CCDC88C: variants seen among roughly 807,000 people sequenced by gnomAD.
The protein encoded by CCDC88C is coiled-coil and HOOK domain protein 88C, also known as protein Daple.
A neutral mutation model predicts 198.8 loss-of-function variants in CCDC88C; 131 were observed. The ratio of observed to expected loss-of-function variants is 0.66; its 90% confidence interval spans 0.57 to 0.76. CCDC88C has a LOEUF of 0.76. Among genes scored for constraint, CCDC88C ranks in the 30% least tolerant of loss-of-function variants. CCDC88C has a pLI of 0.00. For missense variants in CCDC88C, 2,553 were observed against 2,631.6 expected (o/e 0.97, Z 0.65); for synonymous variants, 1,166 against 1,114.7 (o/e 1.05, Z -0.92).
chr14:91,321,030 C>T (rs1240302151), intron 13 of CCDC88C, 90 bp downstream of exon 13: 11 of 1,288,030 alleles, frequency 8.5e-6, no homozygotes, highest in Non-Finnish European at 1.2e-5. Context: ...CTGGCCCCCT[C>T]CTTGTCTGTG....
chr14:91,389,940 C>T (rs1247197483), intron 3 of CCDC88C, among the ~76,000 whole-genome samples: 1 of 151,760 alleles, frequency 6.6e-6, no homozygotes, highest in Non-Finnish European at 1.5e-5. Flanking sequence ...GGCGTGGTGG[C>T]GGGCGCCTGT....
intron 23 of CCDC88C, 64 bp from the exon 24 acceptor site, chr14:91,291,148 A>T: frequency 1.0e-6 from 1 of 963,336 alleles, no homozygotes; most frequent in Admixed American, 2.0e-5. Flanking sequence ...GAATTTACTC[A>T]TCGGCCCAGC....
chr14:91,300,093 G>A (rs763828836), intron 20 of CCDC88C, 23 bp from the exon 21 acceptor site: 29 of 1,602,406 alleles, frequency 1.8e-5, no homozygotes, highest in Middle Eastern at 1.6e-4. Context: ...AGCACCTGCC[G>A]TGAGTCTGGC....
intron 3 of CCDC88C, among the ~76,000 whole-genome samples, chr14:91,384,758 G>A (rs954585590): frequency 2.0e-5 from 3 of 152,096 alleles, no homozygotes; most frequent in Admixed American, 6.6e-5. Flanking sequence ...AATGTGCTGC[G>A]AACAAGCCCA....
intron 15 of CCDC88C, among the ~76,000 whole-genome samples, chr14:91,312,754 A>G (rs1015898359): frequency 1.3e-5 from 2 of 152,204 alleles, no homozygotes; most frequent in African/African-American, 4.8e-5. Flanking sequence ...TGGCTTTGAA[A>G]TCTAAAATAA....
intron 25 of CCDC88C, among the ~76,000 whole-genome samples, chr14:91,287,922 T>C (rs1890484718): frequency 6.6e-6 from 1 of 152,122 alleles, no homozygotes; most frequent in Non-Finnish European, 1.5e-5. Flanking sequence ...TTTAACAATG[T>C]GTAAGGTAAA....
rs547638867 is a variant in CCDC88C, at chr14:91,346,513, G to A, written c.341-2856C>T. On this transcript the variant is annotated intron_variant, in intron 4 of 29. Coordinates refer to ENST00000389857, the MANE Select transcript of CCDC88C (RefSeq NM_001080414.4). ...TTTTTTACTTGAGATCTTTTATTTG[G>A]CCCAAGATACTCTAATCCATAGAAT... is the stretch of plus-strand genomic sequence containing the variant. Among the ~76,000 whole-genome samples, 11 of 151,822 alleles carry A rather than the reference G, an allele frequency of 7.2e-5. No homozygotes were observed. The South Asian group carries it at 1.2e-3, about 17-fold the overall frequency.
intron 3 of CCDC88C, among the ~76,000 whole-genome samples, chr14:91,370,456 G>A (rs1894740138): frequency 6.6e-6 from 1 of 152,232 alleles, no homozygotes; most frequent in Admixed American, 6.5e-5. Context: ...CTTTAGGGCT[G>A]GGTGATGCCC....
intron 3 of CCDC88C, among the ~76,000 whole-genome samples, chr14:91,375,473 T>C (rs982379510): frequency 6.6e-6 from 1 of 151,812 alleles, no homozygotes; most frequent in Non-Finnish European, 1.5e-5. Flanking sequence ...TTTCTTCAGA[T>C]GTGGGTGAGG....
intron 27 of CCDC88C, chr14:91,280,116 T>A (rs1049253852): frequency 6.6e-6 from 1 of 152,210 alleles, no homozygotes. Context: ...AGCGGCCCTA[T>A]CTCGAGAGCA....
At chr14:91,316,371 T>C (rs1290149620) in intron 13 of CCDC88C, among the ~76,000 whole-genome samples, 1 of 151,828 alleles carries the variant, frequency 6.6e-6, no homozygotes, top group Admixed American at 6.6e-5. Flanking sequence ...GAGGTCCTTA[T>C]GCTCCCCGTT....
chr14:91,293,162 CCACCTTCCCATCCTCACCTGCCACAGCT>C (rs1890752381), intron 23 of CCDC88C, among the ~76,000 whole-genome samples: 2 of 5,324 alleles, frequency 3.8e-4, no homozygotes, highest in African/African-American at 7.7e-4. Context: ...CTGCCATAGC[CCACCTTCCCATCCTCACCTGCCACAGCT>C]CACCTTCCTG....
At chr14:91,362,434 T>G (rs1894353687) in intron 3 of CCDC88C, among the ~76,000 whole-genome samples, 1 of 136,272 alleles carries the variant, frequency 7.3e-6, no homozygotes, top group African/African-American at 2.7e-5. Flanking sequence ...CCTGTTTTGT[T>G]GTTTTGTTTT....
At chr14:91,367,201 T>C (rs547981235) in intron 3 of CCDC88C, among the ~76,000 whole-genome samples, 1 of 152,044 alleles carries the variant, frequency 6.6e-6, no homozygotes, top group East Asian at 1.9e-4. Flanking sequence ...CATGTGGCTA[T>C]GAATGGGAGC....
At chr14:91,303,500 C>T (rs1237850807) in intron 20 of CCDC88C, among the ~76,000 whole-genome samples, 2 of 147,850 alleles carry the variant, frequency 1.4e-5, no homozygotes, top group Non-Finnish European at 3.0e-5. Context: ...CCACCCCTCT[C>T]CCCAGGCCCC....
In CCDC88C at chr14:91,343,570, C is replaced by T. The variant is rs374909139; in HGVS notation, c.399+29G>A. 659 of 1,613,112 alleles carry T rather than the reference C, an allele frequency of 4.1e-4. 4 individuals carry two copies. In the South Asian group the frequency reaches 6.8e-3, roughly 17 times the overall value. Reference sequence around the variant, plus strand: ...CAATATGAGATGGCTGGGGTAGGTCCCTCTGCTGCAGCCCTGCCCAATCCC... The same window carrying T: ...CAATATGAGATGGCTGGGGTAGGTCTCTCTGCTGCAGCCCTGCCCAATCCC... On this transcript the variant is annotated intron_variant, in intron 5 of 29. Transcript: ENST00000389857.
At chr14:91,292,222 C>T (rs1262045448) in intron 23 of CCDC88C, among the ~76,000 whole-genome samples, 1 of 152,194 alleles carries the variant, frequency 6.6e-6, no homozygotes, top group East Asian at 1.9e-4. Flanking sequence ...TGCTCACGGC[C>T]GTGCTGCTGA....
intron 27 of CCDC88C, among the ~76,000 whole-genome samples, chr14:91,280,491 T>TA (rs1238404774): frequency 3.3e-5 from 5 of 152,142 alleles, no homozygotes; most frequent in African/African-American, 1.2e-4. Flanking sequence ...ACATCTCTCT[T>TA]AAAAAAATAA....
Position 91,330,084 on chromosome 14 carries a change from A to G in CCDC88C, c.1051-4028T>C, listed in dbSNP as rs572268215. Among the ~76,000 whole-genome samples the G allele has an allele frequency of 5.9e-5, 9 of 152,360 alleles. 1 individual carries two copies. In the South Asian group the frequency reaches 1.9e-3, roughly 32 times the overall value. On this transcript the variant is annotated intron_variant, in intron 10 of 29. Transcript: ENST00000389857. The stretch of plus-strand genomic sequence containing the variant: ...GCCATGTGCTGACCCCTGAGCCACA[A>G]GGTGCATGGGGCACAGAGGACCAGG...
Sources: allele counts gnomAD v4.1 joint callset (sites outside exome capture counted in the v4.1 genomes callset), GRCh38; gene constraint gnomAD v4.1.1; transcripts MANE v1.5; gene names NCBI Gene and HGNC (gene_info 2026-07-23, HGNC 2026-07-21).